CTNNA3: variants seen among roughly 807,000 people sequenced by gnomAD.
CTNNA3 encodes the protein catenin alpha 3, also known as catenin alpha-3.
A neutral mutation model predicts 95.7 loss-of-function variants in CTNNA3; 76 were observed. That is an observed-to-expected ratio of 0.79 (90% confidence interval 0.66 to 0.96). The LOEUF (loss-of-function observed/expected upper bound fraction) is 0.96. CTNNA3 is among the 40% of genes least tolerant of loss of function. The pLI is 0.00. For synonymous variants in CTNNA3, 431 were observed against 374.4 expected (o/e 1.15, Z -1.74); for missense variants, 1,191 against 1,089.8 (o/e 1.09, Z -1.31).
intron 1 of CTNNA3, among the ~76,000 whole-genome samples, chr10:67,679,005 T>G (rs2133564943): frequency 6.6e-6 from 1 of 152,334 alleles, no homozygotes; most frequent in South Asian, 2.1e-4. Flanking sequence ...ATATTTTTAC[T>G]TTGCTTTCAT....
At chr10:66,713,473 A>G (rs1407693693) in intron 9 of CTNNA3, among the ~76,000 whole-genome samples, 1 of 149,618 alleles carries the variant, frequency 6.7e-6, no homozygotes, top group East Asian at 1.9e-4. Context: ...TGAGCAATAA[A>G]GATCTTAATT....
At chr10:67,517,062 G>A (rs1839839773) in intron 5 of CTNNA3, among the ~76,000 whole-genome samples, 1 of 152,110 alleles carries the variant, frequency 6.6e-6, no homozygotes, top group South Asian at 2.1e-4. Flanking sequence ...CAATGAACGT[G>A]GGAGTGCAGC....
intron 5 of CTNNA3, among the ~76,000 whole-genome samples, chr10:67,452,347 A>T (rs1377401030): frequency 6.6e-6 from 1 of 152,210 alleles, no homozygotes; most frequent in Non-Finnish European, 1.5e-5. Flanking sequence ...ATGCTATCAT[A>T]AACAATTCAT....
chr10:66,828,421 C>T (rs184366863), intron 7 of CTNNA3, among the ~76,000 whole-genome samples: 4 of 152,330 alleles, frequency 2.6e-5, no homozygotes, highest in Admixed American at 2.6e-4. Context: ...TCCATGGTAA[C>T]TATTACCACA....
intron 7 of CTNNA3, among the ~76,000 whole-genome samples, chr10:67,040,208 A>T (rs1391151049): frequency 1.3e-5 from 2 of 152,174 alleles, no homozygotes; most frequent in Non-Finnish European, 1.5e-5. Context: ...CTGAAGACAC[A>T]GGTGTTCTCT....
intron 12 of CTNNA3, among the ~76,000 whole-genome samples, chr10:66,377,719 T>C (rs1312334685): frequency 6.6e-6 from 1 of 151,014 alleles, no homozygotes; most frequent in Non-Finnish European, 1.5e-5. Flanking sequence ...TAGAAAAAAA[T>C]CAGGGACACA....
intron 1 of CTNNA3, among the ~76,000 whole-genome samples, chr10:67,728,665 C>T (rs751368003): frequency 1.3e-5 from 2 of 151,680 alleles, no homozygotes; most frequent in Non-Finnish European, 2.9e-5. Flanking sequence ...TATTTGTATA[C>T]CTACATTTCA....
intron 5 of CTNNA3, among the ~76,000 whole-genome samples, chr10:67,358,638 C>T (rs896085706): frequency 6.6e-6 from 1 of 152,098 alleles, no homozygotes; most frequent in Non-Finnish European, 1.5e-5. Context: ...ATCTTCTACA[C>T]TTGACCTACT....
chr10:66,239,347 T>C (rs17247409), intron 13 of CTNNA3, among the ~76,000 whole-genome samples: 22,519 of 151,808 alleles, frequency 0.15, 2,120 homozygotes, highest in Admixed American at 0.25. Context: ...ACTTTGGAGA[T>C]TGAAAAAAGC....
intron 5 of CTNNA3, among the ~76,000 whole-genome samples, chr10:67,479,009 A>T (rs1848121342): frequency 6.6e-6 from 1 of 152,188 alleles, no homozygotes; most frequent in African/African-American, 2.4e-5. Context: ...AAGAAGACAA[A>T]GAAGGTTATT....
intron 12 of CTNNA3, among the ~76,000 whole-genome samples, chr10:66,375,070 TA>T (rs1464058311): frequency 1.3e-5 from 2 of 152,014 alleles, no homozygotes; most frequent in African/African-American, 4.8e-5. Flanking sequence ...AGGACATGAA[TA>T]TAAGCTTTTT....
intron 7 of CTNNA3, chr10:66,928,009 A>G (rs758292462): frequency 6.2e-7 from 1 of 1,614,208 alleles, no homozygotes; most frequent in South Asian, 1.1e-5. Flanking sequence ...TGGCAAAAGT[A>G]CTACAGAGAG....
At chr10:66,594,591 T>G (rs1843651556) in intron 10 of CTNNA3, among the ~76,000 whole-genome samples, 1 of 152,180 alleles carries the variant, frequency 6.6e-6, no homozygotes. Flanking sequence ...CCTGAAAAGC[T>G]CTTCTCCTAG....
chr10:66,572,945 G>A (rs773337694), intron 10 of CTNNA3, among the ~76,000 whole-genome samples: 8 of 152,018 alleles, frequency 5.3e-5, no homozygotes, highest in East Asian at 1.9e-4. Context: ...TCAGATGTTC[G>A]GAGTCCAAAT....
At chr10:67,682,254 G>A (rs757248828) in intron 1 of CTNNA3, among the ~76,000 whole-genome samples, 17 of 151,512 alleles carry the variant, frequency 1.1e-4, no homozygotes, top group Non-Finnish European at 1.9e-4. Flanking sequence ...GTGAACACAC[G>A]AGGCGGAGCT....
chr10:67,552,046 G>T (rs1432156768), intron 3 of CTNNA3, among the ~76,000 whole-genome samples: 1 of 152,184 alleles, frequency 6.6e-6, no homozygotes, highest in Non-Finnish European at 1.5e-5. Flanking sequence ...AGTATAGACT[G>T]AATATTTGAT....
intron 11 of CTNNA3, among the ~76,000 whole-genome samples, chr10:66,498,208 G>A (rs1840161747): frequency 6.6e-6 from 1 of 151,960 alleles, no homozygotes; most frequent in African/African-American, 2.4e-5. Flanking sequence ...AAGAGCATAG[G>A]ATAATAGTAA....
chr10:67,547,788 G>C (rs887392636), intron 3 of CTNNA3, among the ~76,000 whole-genome samples: 5 of 152,098 alleles, frequency 3.3e-5, no homozygotes, highest in Non-Finnish European at 7.4e-5. Flanking sequence ...ATTCACAAGA[G>C]CATCCAACAA....
At chr10:66,628,401 G>C (rs1054661135) in intron 9 of CTNNA3, among the ~76,000 whole-genome samples, 2 of 151,996 alleles carry the variant, frequency 1.3e-5, no homozygotes, top group African/African-American at 4.8e-5. Context: ...TTAGGTTATG[G>C]GGGGAAACAC....
Sources: allele counts gnomAD v4.1 joint callset (sites outside exome capture counted in the v4.1 genomes callset), GRCh38; gene constraint gnomAD v4.1.1; transcripts MANE v1.5; gene names NCBI Gene and HGNC (gene_info 2026-07-23, HGNC 2026-07-21).